Variants in PTPRG observed in about 807,000 individuals in gnomAD.
PTPRG encodes the protein protein tyrosine phosphatase receptor type G, also known as receptor-type tyrosine-protein phosphatase gamma.
In PTPRG, 102 loss-of-function variants were observed where a neutral mutation model predicts 165.3. The ratio of observed to expected loss-of-function variants is 0.62; its 90% CI spans 0.53 to 0.73. PTPRG has a LOEUF of 0.73. PTPRG is among the 30% of genes least tolerant of loss of function. PTPRG has a pLI of 0.00. For missense variants in PTPRG, 1,866 were observed against 1,861.4 expected (o/e 1.00, Z -0.05); for synonymous variants, 675 against 669.5 (o/e 1.01, Z -0.13).
At chr3:61,632,385 T>C (rs1701794258) in intron 1 of PTPRG, among the ~76,000 whole-genome samples, 2 of 152,186 alleles carry the variant, frequency 1.3e-5, no homozygotes, top group African/African-American at 4.8e-5. Context: ...GTAATGCTTA[T>C]AATTGATAGG....
chr3:62,264,390 A>G (rs1286145327), intron 17 of PTPRG, among the ~76,000 whole-genome samples: 1 of 152,042 alleles, frequency 6.6e-6, no homozygotes, highest in Non-Finnish European at 1.5e-5. Flanking sequence ...CATCACCACA[A>G]TCTAATTTTA....
In PTPRG at chr3:62,203,698, G is replaced by A. The variant is rs377266213; in HGVS notation, c.1903G>A (p.Glu635Lys). The A allele has an allele frequency of 1.1e-5, 17 of 1,577,720 alleles. No homozygotes were observed. Among genetic ancestry groups the A allele is most frequent in the African/African-American group, 8.1e-5 (6 of 74,316 alleles). Residue 635 changes from glutamate (E) to lysine (K), a missense_variant, in exon 12 of 30, where the codon GAG (glutamate) becomes AAG (lysine). This residue lies in a region of PTPRG where 1,452 missense variants were observed against 1,463.0 expected (regional missense o/e 0.99). Coordinates refer to ENST00000474889, the MANE Select transcript of PTPRG (RefSeq NM_002841.4). The surrounding 1 kb of genome is among the most constrained non-coding windows in gnomAD (Gnocchi z 6.4). ...PTPSSPNRTA[E>K]GGHQTIPGHE... ...ACCCTCGTCTCCTAACAGGACTGCCGAGGGAGGGCATCAGACTATACCTGG... is the reference window on the plus strand; with the variant it reads ...ACCCTCGTCTCCTAACAGGACTGCCAAGGGAGGGCATCAGACTATACCTGG...
At chr3:61,599,625 G>A (rs1482644036) in intron 1 of PTPRG, among the ~76,000 whole-genome samples, 5 of 151,666 alleles carry the variant, frequency 3.3e-5, no homozygotes, top group Non-Finnish European at 5.9e-5. Context: ...CCCAAGTAGC[G>A]GGGACTACAG....
At chr3:61,762,640 G>A (rs2033890945) in intron 2 of PTPRG, among the ~76,000 whole-genome samples, 1 of 152,122 alleles carries the variant, frequency 6.6e-6, no homozygotes, top group East Asian at 1.9e-4. Context: ...ACCATAGCTA[G>A]CAATATTACT....
At chr3:61,888,928 C>T (rs141214990) in intron 2 of PTPRG, among the ~76,000 whole-genome samples, 398 of 152,184 alleles carry the variant, frequency 2.6e-3, no homozygotes, top group African/African-American at 9.2e-3. Flanking sequence ...ATTAGGTTTC[C>T]CTGATACTTC....
Position 61,894,769 on chromosome 3 carries a change from A to T in PTPRG, c.191-94856A>T, listed in dbSNP as rs2038306721. Among the ~76,000 whole-genome samples, 3 of 152,222 alleles carry T rather than the reference A, an allele frequency of 2.0e-5. No individual in the cohort carries two copies. The South Asian group carries it at 6.2e-4, about 32-fold the overall frequency. ...GGATGAATCAGATTTGAGAAGATCA[A>T]GGGAGTAACAGCTACCTTTGCCCTT... On this transcript the variant is annotated intron_variant, in intron 2 of 29. Transcript: ENST00000474889.
intron 28 of PTPRG, among the ~76,000 whole-genome samples, chr3:62,292,109 C>G (rs1360214659): frequency 6.6e-6 from 1 of 151,924 alleles, no homozygotes; most frequent in Non-Finnish European, 1.5e-5. Context: ...TTCTATTGTA[C>G]CACCCAACTC....
intron 2 of PTPRG, among the ~76,000 whole-genome samples, chr3:61,947,118 G>A (rs1166426019): frequency 6.6e-6 from 1 of 152,150 alleles, no homozygotes; most frequent in African/African-American, 2.4e-5. Flanking sequence ...GTTTTCATTA[G>A]CAATGATAAT....
intron 2 of PTPRG, among the ~76,000 whole-genome samples, chr3:61,960,697 T>G (rs1226839826): frequency 6.6e-6 from 1 of 152,148 alleles, no homozygotes; most frequent in East Asian, 1.9e-4. Context: ...TTTGTCCCCC[T>G]TGCTTCTGGA....
chr3:61,735,629 C>T (rs1392752290), intron 1 of PTPRG, among the ~76,000 whole-genome samples: 3 of 151,520 alleles, frequency 2.0e-5, no homozygotes, highest in Non-Finnish European at 2.9e-5. Context: ...AAGAAATGTT[C>T]CTACAGACTT....
chr3:61,980,403 C>G (rs2040612894), intron 2 of PTPRG, among the ~76,000 whole-genome samples: 1 of 152,122 alleles, frequency 6.6e-6, no homozygotes, highest in Non-Finnish European at 1.5e-5. Context: ...GACTTCAGAG[C>G]TTGTTTCTTC....
At chr3:61,603,628 C>CA (rs1206847424) in intron 1 of PTPRG, among the ~76,000 whole-genome samples, 5 of 152,196 alleles carry the variant, frequency 3.3e-5, no homozygotes, top group Admixed American at 2.0e-4. Flanking sequence ...TTTATTGCCT[C>CA]ACAGTTGTGG....
At chr3:62,147,949 G>A (rs1250113199) in intron 6 of PTPRG, among the ~76,000 whole-genome samples, 1 of 152,026 alleles carries the variant, frequency 6.6e-6, no homozygotes, top group Admixed American at 6.5e-5. Context: ...TTCAAGACCA[G>A]CCTGGCTAAC....
chr3:61,811,808 AAG>A (rs1490401184), intron 2 of PTPRG, among the ~76,000 whole-genome samples: 1 of 152,170 alleles, frequency 6.6e-6, no homozygotes, highest in Non-Finnish European at 1.5e-5. Context: ...AAATTCCCTC[AAG>A]AGTGCTGACA....
At chr3:62,020,957 G>A (rs867564126) in intron 4 of PTPRG, among the ~76,000 whole-genome samples, 4 of 151,664 alleles carry the variant, frequency 2.6e-5, no homozygotes, top group African/African-American at 9.7e-5. Context: ...TTATATGTGT[G>A]AGCCACAGCA....
At chr3:62,225,697 C>T (rs927454183) in intron 13 of PTPRG, among the ~76,000 whole-genome samples, 6 of 151,072 alleles carry the variant, frequency 4.0e-5, no homozygotes, top group Admixed American at 6.6e-5. Context: ...CTTTTGTCAC[C>T]GAGGCTGTAG....
intron 7 of PTPRG, among the ~76,000 whole-genome samples, chr3:62,162,497 C>A (rs1315995955): frequency 1.3e-5 from 2 of 152,178 alleles, no homozygotes; most frequent in African/African-American, 2.4e-5. Flanking sequence ...TATTACCCTG[C>A]TGTGGCAAAG....
rs1701514612 is a variant in PTPRG, at chr3:62,255,354, T to C, written c.2559+139T>C. 9.5e-6 allele frequency: 6 copies of C among 631,574 alleles called. No individual in the cohort carries two copies. Among genetic ancestry groups the C allele is most frequent in the Non-Finnish European group, 1.6e-5 (6 of 375,514 alleles). 39.1% of individuals were successfully genotyped at this position (631,574 alleles called of 1,614,324 possible). A position where few individuals can be genotyped will look rare whatever the true frequency, so the allele number is the denominator to read the frequency against. On this transcript the variant is annotated intron_variant, in intron 16 of 29. Transcript: ENST00000474889. The surrounding 1 kb of genome is among the most constrained non-coding windows in gnomAD (Gnocchi z 4.0). Reference sequence around the variant, plus strand: ...GTGGAGTTTTTCTTTTCATCTATTATTTTAATAGGCATTCTTTTCCAAATA... The same window carrying C: ...GTGGAGTTTTTCTTTTCATCTATTACTTTAATAGGCATTCTTTTCCAAATA...
intron 19 of PTPRG, 22 bp downstream of exon 19, chr3:62,267,841 A>C (rs745856634): frequency 6.2e-7 from 1 of 1,606,640 alleles, no homozygotes; most frequent in Non-Finnish European, 8.5e-7. Context: ...TTGACTCACT[A>C]TCTTAATAAT....
Sources: allele counts gnomAD v4.1 joint callset (sites outside exome capture counted in the v4.1 genomes callset), GRCh38; gene constraint gnomAD v4.1.1; regional missense constraint gnomAD v4.1.1; non-coding constraint Gnocchi (gnomAD v3.1); transcripts MANE v1.5; gene names NCBI Gene and HGNC (gene_info 2026-07-23, HGNC 2026-07-21).